The following TKT variants were observed in gnomAD, a reference collection of about 807,000 sequenced individuals.
TKT encodes the protein epididymis luminal protein 107.
In TKT, 47 loss-of-function variants were observed where a neutral mutation model predicts 63.9. That is an observed-to-expected ratio of 0.74 (90% confidence interval 0.58 to 0.94). The LOEUF (loss-of-function observed/expected upper bound fraction) is 0.94, where lower values mean the gene tolerates loss of function less well. Among genes scored for constraint, TKT ranks in the 40% least tolerant of loss-of-function variants. The pLI, the probability that TKT is intolerant of heterozygous loss-of-function variation, is 0.00. For synonymous variants in TKT, 338 were observed against 334.1 expected, an observed-to-expected ratio of 1.01 and a Z score of -0.13; for missense variants, 721 against 846.2, an observed-to-expected ratio of 0.85 and a Z score of 1.84.
At chr3:53,251,221 A>C (rs1278912463) in intron 1 of TKT, among the ~76,000 whole-genome samples, 6 of 152,172 alleles carry the variant, frequency 3.9e-5, no homozygotes, top group Admixed American at 3.9e-4. Context: ...AGCACAGACC[A>C]CCTTCCCTTT....
At chr3:53,241,976 ACT>A (rs1705299423) in intron 2 of TKT, 147 bp downstream of exon 2, 1 of 716,530 alleles carries the variant, frequency 1.4e-6, no homozygotes, top group Non-Finnish European at 2.5e-6. Context: ...AGAGCAGGAC[ACT>A]GAGGGAGAGG....
At chr3:53,255,093 T>C (rs955422995) in intron 1 of TKT, among the ~76,000 whole-genome samples, 11 of 152,282 alleles carry the variant, frequency 7.2e-5, no homozygotes, top group Admixed American at 6.5e-4. Flanking sequence ...GACCTCCTTT[T>C]CACAATGGAT....
intron 13 of TKT, chr3:53,226,142 A>C (rs1488790845): frequency 6.5e-6 from 3 of 463,992 alleles, no homozygotes; most frequent in South Asian, 4.5e-5. Context: ...TGGTCTCCCA[A>C]CTCCTGAGCT....
intron 1 of TKT, among the ~76,000 whole-genome samples, chr3:53,252,989 G>A (rs1459260726): frequency 2.0e-5 from 3 of 151,982 alleles, no homozygotes; most frequent in Admixed American, 1.3e-4. Context: ...ACAGGCGCCC[G>A]CCACCACGTC....
rs372188098 is a variant in TKT, at chr3:53,234,943, C to T, written c.629+40G>A. The T allele has an allele frequency of 3.8e-6, 6 of 1,567,288 alleles. No individual in the cohort carries two copies. The African/African-American group carries it at 8.1e-5, about 21-fold the overall frequency. On this transcript the variant is annotated intron_variant, in intron 5 of 13. Coordinates refer to ENST00000462138, the MANE Select transcript of TKT (RefSeq NM_001064.4). Reference sequence around the variant, plus strand: ...AAAGCTGTGATCACAGACCACTCTCCCGTGCTGTGACCACACTCAGGCCAC... The same window carrying T: ...AAAGCTGTGATCACAGACCACTCTCTCGTGCTGTGACCACACTCAGGCCAC...
At chr3:53,238,575 AG>A (rs1197099031) in intron 4 of TKT, among the ~76,000 whole-genome samples, 1 of 152,230 alleles carries the variant, frequency 6.6e-6, no homozygotes, top group Non-Finnish European at 1.5e-5. Context: ...CTTCTGCTGC[AG>A]GAGTGGAGGA....
chr3:53,249,578 C>CT (rs1253789267), intron 1 of TKT, among the ~76,000 whole-genome samples: 1 of 152,128 alleles, frequency 6.6e-6, no homozygotes, highest in Non-Finnish European at 1.5e-5. Context: ...GAGCGAGACT[C>CT]TGTCAAACAA....
chr3:53,244,058 T>C (rs574669627), intron 1 of TKT, among the ~76,000 whole-genome samples: 5 of 152,110 alleles, frequency 3.3e-5, no homozygotes, highest in Non-Finnish European at 5.9e-5. Flanking sequence ...CAGGCCCAGA[T>C]AGAGTAAACG....
rs782480479 is a variant in TKT at position 53,231,509 on chromosome 3, T to G, written c.790A>C (p.Lys264Gln). The change falls in exon 7 of 14, where the codon AAA becomes CAA. Residue 264 changes from lysine to glutamine, a missense_variant. Lys to Gln is a moderately conservative substitution (Grantham distance 53, BLOSUM62 1). Transcript: ENST00000462138. Reference protein sequence around the residue: ...KESWHGKPLPKNMAEQIIQEI... With the variant: ...KESWHGKPLPQNMAEQIIQEI... ...TGGATGATCTGCTCAGCCATGTTTT[T>G]GGGGAGGGGCTTCCCATGCCAAGAC... 3.1e-6 allele frequency: 5 copies of G among 1,614,042 alleles called. No individual in the cohort carries two copies. The African/African-American group carries it at 5.3e-5, about 17-fold the overall frequency.
chr3:53,253,528 C>A (rs942237891), intron 1 of TKT, among the ~76,000 whole-genome samples: 1 of 152,144 alleles, frequency 6.6e-6, no homozygotes, highest in Non-Finnish European at 1.5e-5. Flanking sequence ...CCCAGCACTT[C>A]GGGAGGCCGA....
At chr3:53,236,796 G>C (rs1439436326) in intron 4 of TKT, among the ~76,000 whole-genome samples, 1 of 152,250 alleles carries the variant, frequency 6.6e-6, no homozygotes, top group Non-Finnish European at 1.5e-5. Context: ...ATCAGGCTCA[G>C]GTCAGAGGGC....
intron 5 of TKT, 70 bp downstream of exon 5, chr3:53,234,913 C>A: frequency 1.4e-6 from 2 of 1,471,376 alleles, no homozygotes; most frequent in Non-Finnish European, 9.2e-7. Context: ...TGCACCTGCA[C>A]CTGCAAAGCT....
rs59727122 is a variant in TKT, at chr3:53,235,284, TG to T, written c.438-111del. 24,575 of 1,016,638 alleles carry T rather than the reference TG, an allele frequency of 0.024. 3,896 individuals are homozygous for T. The African/African-American group carries it at 0.37, about 15-fold the overall frequency. The allele number at this position is 1,016,638 out of a possible 1,614,324, so 63.0% of individuals were successfully genotyped here. ...TTCTGGGTAAAGGAGCAGCCACGCA[TG>T]GATATGCAGAACAGATGGCATTTAC... is the stretch of plus-strand genomic sequence containing the variant. On this transcript the variant is annotated intron_variant, in intron 4 of 13. Coordinates refer to ENST00000462138, the MANE Select transcript of TKT (RefSeq NM_001064.4).
chr3:53,246,458 A>T (rs1437204885), intron 1 of TKT, among the ~76,000 whole-genome samples: 5 of 152,240 alleles, frequency 3.3e-5, no homozygotes, highest in African/African-American at 1.2e-4. Flanking sequence ...TCCGGTATCA[A>T]TATTCTCTCC....
In TKT at chr3:53,225,807, G is replaced by A. The variant is rs782791721; in HGVS notation, c.1821C>T (p.Ile607=). 10 of 1,614,042 alleles carry A rather than the reference G, an allele frequency of 6.2e-6. No individual in the cohort carries two copies. The highest frequency in any genetic ancestry group is 1.1e-5 in the South Asian group (1 of 91,072). Residue 607 remains isoleucine, a synonymous_variant, in exon 14 of 14, where the codon ATC becomes ATT. Transcript: ENST00000462138. ...CAGCTTGTGCAATGGCATCCCTGTCGATACCAAACATCTTCAGCAGCTCAG... is the reference window on the plus strand; with the variant it reads ...CAGCTTGTGCAATGGCATCCCTGTCAATACCAAACATCTTCAGCAGCTCAG... ...KPAELLKMFG[I]DRDAIAQAVR...
In TKT at chr3:53,256,001, G is replaced by T; in HGVS notation, c.-59C>A. The T allele has an allele frequency of 8.3e-7, 1 of 1,205,692 alleles. No individual in the cohort carries two copies. Among genetic ancestry groups the T allele is most frequent in the South Asian group, 2.1e-5 (1 of 48,084 alleles). The allele number at this position is 1,205,692 out of a possible 1,614,324, so 74.7% of individuals were successfully genotyped here. On this transcript the variant is annotated 5_prime_UTR_variant, in exon 1 of 14. Transcript: ENST00000462138. ...ACACACAGAGATAGCGGCTGCTCCCGCGGCGACAGGCGGCTGCCGAGGCCG... is the reference window on the plus strand; with the variant it reads ...ACACACAGAGATAGCGGCTGCTCCCTCGGCGACAGGCGGCTGCCGAGGCCG...
At chr3:53,226,984 T>A (rs1704528271) in intron 12 of TKT, 106 bp from the exon 13 acceptor site, 1 of 1,409,128 alleles carries the variant, frequency 7.1e-7, no homozygotes, top group Non-Finnish European at 9.5e-7. Flanking sequence ...AGCTAAGAGC[T>A]CAGCCTGCGG....
intron 4 of TKT, among the ~76,000 whole-genome samples, chr3:53,236,085 T>C (rs901245505): frequency 6.6e-6 from 1 of 152,234 alleles, no homozygotes; most frequent in Non-Finnish European, 1.5e-5. Flanking sequence ...CTCCTTGCCG[T>C]GCAGGCATGC....
chr3:53,247,604 C>A (rs1290375806), intron 1 of TKT, among the ~76,000 whole-genome samples: 1 of 135,108 alleles, frequency 7.4e-6, no homozygotes, highest in Non-Finnish European at 1.5e-5. Flanking sequence ...CGCACCACTG[C>A]ACTCCAGCCT....
Sources: allele counts gnomAD v4.1 joint callset (sites outside exome capture counted in the v4.1 genomes callset), GRCh38; gene constraint gnomAD v4.1.1; transcripts MANE v1.5; gene names NCBI Gene and HGNC (gene_info 2026-07-23, HGNC 2026-07-21).